The following MYO6 variants were observed in gnomAD, a reference collection of about 807,000 sequenced individuals.
The protein encoded by MYO6 is unconventional myosin-VI.
MYO6 carries 74 observed loss-of-function variants against 178.7 expected under a neutral mutation model. The ratio of observed to expected loss-of-function variants is 0.41; its 90% CI spans 0.34 to 0.50. The LOEUF is 0.50. Among genes scored for constraint, MYO6 ranks in the 20% least tolerant of loss-of-function variants. MYO6 has a pLI of 0.09. For synonymous variants in MYO6, 477 were observed against 504.6 expected (o/e 0.95, Z 0.73); for missense variants, 1,330 against 1,547.4 (o/e 0.86, Z 2.36).
chr6:75,817,579 A>G lies in MYO6; in HGVS notation c.32A>G (p.His11Arg). The change falls in exon 2 of 35, where the codon CAC becomes CGC. Residue 11 changes from histidine to arginine, a missense_variant. Physicochemically the swap from His to Arg is conservative, Grantham distance 29. This residue lies in a region of MYO6 where 116 missense variants were observed against 104.6 expected (regional missense o/e 1.11). Transcript: ENST00000369977. The part of the protein sequence containing the change: MEDGKPVWAP[H>R]PTDGFQMGNI... ...GATGGAAAGCCCGTTTGGGCGCCAC[A>G]CCCTACAGATGGATTTCAGATGGGC... is the stretch of plus-strand genomic sequence containing the variant. The G allele has an allele frequency of 6.2e-7, 1 of 1,614,210 alleles. No homozygotes were observed. Among genetic ancestry groups the G allele is most frequent in the Non-Finnish European group, 8.5e-7 (1 of 1,180,028 alleles).
chr6:75,782,748 C>T (rs907988085), intron 1 of MYO6, among the ~76,000 whole-genome samples: 3 of 151,978 alleles, frequency 2.0e-5, no homozygotes, highest in Non-Finnish European at 4.4e-5. Context: ...TCTATTATTG[C>T]TGTGCATACT....
At chr6:75,880,161 A>G in intron 22 of MYO6, 41 bp downstream of exon 22, 1 of 1,407,142 alleles carries the variant, frequency 7.1e-7, no homozygotes, top group Middle Eastern at 2.5e-4. Context: ...ACATCATGAA[A>G]ACAAATAGTT....
At chr6:75,758,982 G>A (rs1009489287) in intron 1 of MYO6, among the ~76,000 whole-genome samples, 1 of 151,514 alleles carries the variant, frequency 6.6e-6, no homozygotes, top group South Asian at 2.1e-4. Flanking sequence ...CGATTCTAAT[G>A]TCTCAGCCTC....
At chr6:75,912,503 TGTTA>T (rs1479342339) in intron 33 of MYO6, among the ~76,000 whole-genome samples, 24 of 152,100 alleles carry the variant, frequency 1.6e-4, no homozygotes, top group Admixed American at 9.8e-4. Context: ...TCAGTTCTCC[TGTTA>T]GTAAGAAAAG....
At chr6:75,829,312 G>A (rs1029905869) in intron 4 of MYO6, among the ~76,000 whole-genome samples, 44 of 152,168 alleles carry the variant, frequency 2.9e-4, no homozygotes, top group African/African-American at 9.6e-4. Context: ...CTTTATTCCA[G>A]TATCACCTAA....
intron 11 of MYO6, among the ~76,000 whole-genome samples, chr6:75,854,591 G>A (rs1407947494): frequency 1.3e-5 from 2 of 152,080 alleles, no homozygotes; most frequent in East Asian, 3.9e-4. Context: ...AAGCATTTCA[G>A]TTAAGGGATA....
intron 18 of MYO6, 82 bp downstream of exon 18, chr6:75,867,187 A>G: frequency 8.6e-7 from 1 of 1,164,894 alleles, no homozygotes; most frequent in Non-Finnish European, 1.2e-6. Context: ...AATGTAGATC[A>G]CTGTCAGAAA....
intron 12 of MYO6, among the ~76,000 whole-genome samples, chr6:75,856,018 T>C (rs1453056327): frequency 6.6e-6 from 1 of 152,174 alleles, no homozygotes; most frequent in Admixed American, 6.5e-5. Context: ...TCTCAGAAAA[T>C]TGGCTATCTC....
chr6:75,795,295 A>T (rs1279960981), intron 1 of MYO6, among the ~76,000 whole-genome samples: 3 of 151,986 alleles, frequency 2.0e-5, no homozygotes, highest in African/African-American at 7.3e-5. Context: ...GATCTACTTT[A>T]AAAAAAACCA....
At chr6:75,772,364 A>G (rs1465457284) in intron 1 of MYO6, among the ~76,000 whole-genome samples, 1 of 152,084 alleles carries the variant, frequency 6.6e-6, no homozygotes, top group African/African-American at 2.4e-5. Context: ...AAGCCTTCTC[A>G]TTCGCATAGA....
chr6:75,844,439 A>G (rs1774535275), intron 9 of MYO6, among the ~76,000 whole-genome samples: 1 of 152,166 alleles, frequency 6.6e-6, no homozygotes, highest in Non-Finnish European at 1.5e-5. Context: ...GACTCTAAAA[A>G]TCAAAAATTA....
At chr6:75,884,926 G>A (rs567974271) in intron 23 of MYO6, among the ~76,000 whole-genome samples, 10 of 152,336 alleles carry the variant, frequency 6.6e-5, no homozygotes, top group Middle Eastern at 3.4e-3. Context: ...CTCCTAAACC[G>A]TAATTTCTAA....
chr6:75,829,290 G>T (rs1048295128), intron 4 of MYO6, among the ~76,000 whole-genome samples: 2 of 152,004 alleles, frequency 1.3e-5, no homozygotes, highest in Admixed American at 1.3e-4. Flanking sequence ...TATTCTTTGG[G>T]CATGCATGAG....
At position 75,771,540 on chromosome 6, in the gene MYO6, T is replaced by A. The variant is rs1765897414; in HGVS notation, c.-48+22117T>A. Among the ~76,000 whole-genome samples, 3 of 152,208 alleles carry A rather than the reference T, an allele frequency of 2.0e-5. No homozygotes were observed. In the South Asian group the frequency reaches 6.2e-4, roughly 31 times the overall value. On this transcript the variant is annotated intron_variant, in intron 1 of 34. Coordinates refer to ENST00000369977, the MANE Select transcript of MYO6 (RefSeq NM_004999.4). ...TAGAGTTTAGAGAGAAAAAATCAGC[T>A]ACACAAAGATAGATCCTAAACAATT...
chr6:75,887,448 C>T (rs1441583652), intron 25 of MYO6, among the ~76,000 whole-genome samples: 1 of 151,480 alleles, frequency 6.6e-6, no homozygotes, highest in Non-Finnish European at 1.5e-5. Context: ...TCGAGACCAT[C>T]ATGGCCAACA....
At chr6:75,879,133 C>G (rs1420283525) in intron 20 of MYO6, among the ~76,000 whole-genome samples, 1 of 152,080 alleles carries the variant, frequency 6.6e-6, no homozygotes, top group Non-Finnish European at 1.5e-5. Context: ...CTAAAATTCA[C>G]CTCAGGCCTT....
chr6:75,795,510 A>G (rs1768717632), intron 1 of MYO6, among the ~76,000 whole-genome samples: 1 of 152,214 alleles, frequency 6.6e-6, no homozygotes, highest in African/African-American at 2.4e-5. Flanking sequence ...TTATGGTTTT[A>G]TCAGGTTTTA....
chr6:75,809,678 G>A (rs1301518303), intron 1 of MYO6, among the ~76,000 whole-genome samples: 7 of 152,068 alleles, frequency 4.6e-5, no homozygotes, highest in African/African-American at 1.7e-4. Context: ...TGGGTCATAG[G>A]TGGATTCAAA....
In MYO6 at chr6:75,892,517, C is replaced by G; in HGVS notation, c.2947-13C>G. 6.2e-7 allele frequency: 1 copy of G among 1,613,980 alleles called. No individual in the cohort carries two copies. Among genetic ancestry groups the G allele is most frequent in the Non-Finnish European group, 8.5e-7 (1 of 1,180,022 alleles). The stretch of plus-strand genomic sequence containing the variant: ...GAAGAACTCTTGGTGAAATAGCTTT[C>G]TGCCCTTGTCAGGCTGAAGTGGAGG... On this transcript the variant is annotated splice_polypyrimidine_tract_variant and intron_variant, in intron 27 of 34. Transcript: ENST00000369977.
Sources: gnomAD v4.1 joint callset for allele counts (sites outside exome capture counted in the v4.1 genomes callset) on GRCh38, gnomAD v4.1.1 for gene constraint, gnomAD v4.1.1 regional missense constraint, MANE v1.5 for transcripts, NCBI Gene and HGNC (gene_info 2026-07-23, HGNC 2026-07-21) for gene names.